The following CACNA1C variants were observed in gnomAD, a reference collection of about 807,000 sequenced individuals.
CACNA1C encodes voltage-dependent L-type calcium channel subunit alpha-1C.
Under a neutral mutation model 229.0 loss-of-function variants are expected in CACNA1C, and 30 were observed. The ratio of observed to expected loss-of-function variants is 0.13; its 90% confidence interval spans 0.10 to 0.18. CACNA1C has a LOEUF of 0.18. Among genes scored for constraint, CACNA1C ranks in the 10% least tolerant of loss-of-function variants. The pLI, the probability that CACNA1C is intolerant of heterozygous loss-of-function variation, is 1.00. For synonymous variants in CACNA1C, 1,114 were observed against 1,132.5 expected (o/e 0.98, Z 0.33); for missense variants, 1,658 against 2,845.0 (o/e 0.58, Z 9.49).
chr12:2,588,922 G>A (rs866078365), intron 18 of CACNA1C, among the ~76,000 whole-genome samples: 27 of 152,190 alleles, frequency 1.8e-4, no homozygotes, highest in African/African-American at 5.1e-4. Context: ...CCTGTGCTGG[G>A]GGAGGCTTTC....
chr12:2,242,490 T>A (rs2070925273), intron 3 of CACNA1C, among the ~76,000 whole-genome samples: 1 of 152,266 alleles, frequency 6.6e-6, no homozygotes, highest in African/African-American at 2.4e-5. Flanking sequence ...TGAGCTCTTC[T>A]GACTTTTCAA....
chr12:2,298,604 A>G (rs1256112757), intron 3 of CACNA1C, among the ~76,000 whole-genome samples: 1 of 152,188 alleles, frequency 6.6e-6, no homozygotes, highest in Non-Finnish European at 1.5e-5. Context: ...GCCAGGTGAC[A>G]GGGTCTTAAC....
rs986335601 is a variant in CACNA1C, at chr12:2,679,762, G to T, written c.5410G>T (p.Val1804Leu). 1.3e-6 allele frequency: 2 copies of T among 1,585,946 alleles called. No homozygotes were observed. The highest frequency in any genetic ancestry group is 1.7e-6 in the Non-Finnish European group (2 of 1,165,398). The change falls in exon 42 of 47, where the codon GTG becomes TTG. Residue 1804 changes from valine (V) to leucine (L), a missense_variant. Physicochemically the swap from Val to Leu is conservative, Grantham distance 32. Transcript: ENST00000399655. This position sits in a 1 kb window ranked among gnomAD's most constrained non-coding sequence, Gnocchi z 5.5. The stretch of plus-strand genomic sequence containing the variant: ...GCCCCCCTTGTCCCCTGCCATCCGG[G>T]TGCAGGAGGTGGCGTGGAAGCTCAG... ...HGPPLSPAIR[V>L]QEVAWKLSSN...
intron 3 of CACNA1C, among the ~76,000 whole-genome samples, chr12:2,292,207 G>A (rs1010576679): frequency 1.3e-5 from 2 of 152,222 alleles, no homozygotes; most frequent in African/African-American, 4.8e-5. Context: ...TAGTAGACAA[G>A]AGAAGCCTGT....
chr12:2,540,287 T>G (rs1248411250), intron 9 of CACNA1C, among the ~76,000 whole-genome samples: 1 of 151,582 alleles, frequency 6.6e-6, no homozygotes, highest in Non-Finnish European at 1.5e-5. Flanking sequence ...TGATATGAAG[T>G]GTTATTCTAG....
At chr12:2,367,242 C>A (rs1314559918) in intron 3 of CACNA1C, among the ~76,000 whole-genome samples, 3 of 152,162 alleles carry the variant, frequency 2.0e-5, no homozygotes, top group Admixed American at 1.3e-4. Flanking sequence ...CAATAGTGCT[C>A]GAGCTCTTAT....
At chr12:2,335,760 G>A (rs575879290) in intron 3 of CACNA1C, among the ~76,000 whole-genome samples, 3 of 152,288 alleles carry the variant, frequency 2.0e-5, no homozygotes, top group South Asian at 4.2e-4. Flanking sequence ...GCAGGCTGTT[G>A]TGAGGTCAGC....
chr12:2,335,438 T>TAA (rs56955362), intron 3 of CACNA1C, among the ~76,000 whole-genome samples: 2 of 146,616 alleles, frequency 1.4e-5, no homozygotes, highest in South Asian at 2.2e-4. Context: ...GCATATTAGT[T>TAA]AAAAAAAAAA....
chr12:2,630,396 A>G lies in CACNA1C; in HGVS notation c.3829-3901A>G, dbSNP rs2089834980. Among the ~76,000 whole-genome samples, 1 of 152,066 alleles carries G rather than the reference A, an allele frequency of 6.6e-6. No individual in the cohort carries two copies. Among genetic ancestry groups the G allele is most frequent in the Non-Finnish European group, 1.5e-5 (1 of 68,028 alleles). On this transcript the variant is annotated intron_variant, in intron 29 of 46. Transcript: ENST00000399655. The surrounding 1 kb of genome is among the most constrained non-coding windows in gnomAD (Gnocchi z 5.4). ...CCCTTCCACTCCCGAGAGTGTTGGGAAAAGTATTCCTCCTAGGACCCAACC... is the reference window on the plus strand; with the variant it reads ...CCCTTCCACTCCCGAGAGTGTTGGGGAAAGTATTCCTCCTAGGACCCAACC...
chr12:2,259,979 T>C (rs903988928), intron 3 of CACNA1C, among the ~76,000 whole-genome samples: 6 of 152,132 alleles, frequency 3.9e-5, no homozygotes, highest in African/African-American at 1.4e-4. Context: ...CTCATGGTCA[T>C]GCTCAGAGAA....
Position 2,363,416 on chromosome 12 carries a change from G to T in CACNA1C, c.478-85560G>T, listed in dbSNP as rs527633015. On this transcript the variant is annotated intron_variant, in intron 3 of 46. Transcript: ENST00000399655. ...TTGACCTGGCTCAACCAATTAGGTA[G>T]TCCACTCCAAATAAGTTACCAACCC... Among the ~76,000 whole-genome samples the T allele has an allele frequency of 2.0e-5, 3 of 152,328 alleles. No homozygotes were observed. In the East Asian group the frequency reaches 5.8e-4, roughly 29 times the overall value.
intron 1 of CACNA1C, among the ~76,000 whole-genome samples, chr12:2,025,132 C>G (rs951743683): frequency 1.3e-5 from 2 of 152,194 alleles, no homozygotes; most frequent in African/African-American, 2.4e-5. Context: ...CCTTACCCTG[C>G]GTTCTCTGTC....
At position 2,682,573 on chromosome 12, in the gene CACNA1C, C is replaced by G. The variant is rs765116077; in HGVS notation, c.5468C>G (p.Ala1823Gly). ...SNRCHSRESQ[A>G]AMAGQEETSQ... ...AGGTGCCACTCCCGGGAGAGCCAGG[C>G]AGCCATGGCGGGTCAGGAGGAGACG... is the stretch of plus-strand genomic sequence containing the variant. The change falls in exon 43 of 47, where the codon GCA becomes GGA. Residue 1823 changes from alanine to glycine, a missense_variant. Physicochemically the swap from Ala to Gly is moderately conservative, Grantham distance 60 (BLOSUM62 0). This residue lies in a region of CACNA1C where 590 missense variants were observed against 700.8 expected (regional missense o/e 0.84). Coordinates refer to ENST00000399655, the MANE Select transcript of CACNA1C (RefSeq NM_000719.7). The G allele has an allele frequency of 1.2e-6, 2 of 1,612,682 alleles. No individual in the cohort carries two copies. Among genetic ancestry groups the G allele is most frequent in the Non-Finnish European group, 1.7e-6 (2 of 1,179,524 alleles).
At chr12:2,508,956 T>A (rs192245991) in intron 8 of CACNA1C, among the ~76,000 whole-genome samples, 3 of 152,350 alleles carry the variant, frequency 2.0e-5, no homozygotes, top group East Asian at 1.9e-4. Flanking sequence ...ACGGTGATGA[T>A]GACATTCTTG....
chr12:2,677,329 C>T lies in CACNA1C; in HGVS notation c.4956+108C>T, dbSNP rs1479204461. On this transcript the variant is annotated intron_variant, in intron 40 of 46. Coordinates refer to ENST00000399655, the MANE Select transcript of CACNA1C (RefSeq NM_000719.7). This position sits in a 1 kb window ranked among gnomAD's most constrained non-coding sequence, Gnocchi z 7.4. Reference sequence around the variant, plus strand: ...CAGCAGGCTGGAGGCCAGGTCCCTGCAGAGGGAACCTTTCAGAGAGCTCCA... The same window carrying T: ...CAGCAGGCTGGAGGCCAGGTCCCTGTAGAGGGAACCTTTCAGAGAGCTCCA... 2.4e-6 allele frequency: 3 copies of T among 1,247,720 alleles called. No homozygotes were observed. Among genetic ancestry groups the T allele is most frequent in the African/African-American group, 1.5e-5 (1 of 66,426 alleles). 77.3% of individuals were successfully genotyped at this position (1,247,720 alleles called of 1,614,324 possible).
In CACNA1C at chr12:2,649,057, T is replaced by C. The variant is rs1404247383; in HGVS notation, c.3945+550T>C. On this transcript the variant is annotated intron_variant, in intron 31 of 46. Coordinates refer to ENST00000399655, the MANE Select transcript of CACNA1C (RefSeq NM_000719.7). This position sits in a 1 kb window ranked among gnomAD's most constrained non-coding sequence, Gnocchi z 4.4. ...TTTGTTACTGAGCGCGTGATTGAAT[T>C]TCCAGTCACTCCAACCTTGCTATCC... is the stretch of plus-strand genomic sequence containing the variant. Among the ~76,000 whole-genome samples, 3 of 152,168 alleles carry C rather than the reference T, an allele frequency of 2.0e-5. No homozygotes were observed. Among genetic ancestry groups the C allele is most frequent in the Non-Finnish European group, 2.9e-5 (2 of 68,020 alleles).
chr12:2,613,222 G>A (rs569625151), intron 29 of CACNA1C: 4 of 151,982 alleles, frequency 2.6e-5, no homozygotes, highest in African/African-American at 7.3e-5. Context: ...GTATATCATC[G>A]CACGTCATTC....
intron 1 of CACNA1C, among the ~76,000 whole-genome samples, chr12:2,097,822 G>A (rs1595770495): frequency 6.6e-6 from 1 of 152,242 alleles, no homozygotes; most frequent in Non-Finnish European, 1.5e-5. Flanking sequence ...CTGCTGGGCT[G>A]CACCTGGTTC....
intron 30 of CACNA1C, among the ~76,000 whole-genome samples, chr12:2,635,156 C>T (rs2092314518): frequency 6.6e-6 from 1 of 152,112 alleles, no homozygotes; most frequent in South Asian, 2.1e-4. Context: ...GCACCTGCCA[C>T]CCCTGCCCTC....
Sources: gnomAD v4.1 joint callset for allele counts (sites outside exome capture counted in the v4.1 genomes callset) on GRCh38, gnomAD v4.1.1 for gene constraint, gnomAD v4.1.1 regional missense constraint, Gnocchi (gnomAD v3.1) non-coding constraint, MANE v1.5 for transcripts, NCBI Gene and HGNC (gene_info 2026-07-23, HGNC 2026-07-21) for gene names.